Variants in HS6ST3 observed in about 807,000 individuals in gnomAD.
HS6ST3 encodes the protein heparan sulfate 6-O-sulfotransferase 3.
Under a neutral mutation model 36.7 loss-of-function variants are expected in HS6ST3, and 12 were observed. That is an observed-to-expected ratio of 0.33 (90% confidence interval 0.21 to 0.53). HS6ST3 has a LOEUF of 0.53. Ranked by LOEUF, HS6ST3 falls within the 20% of genes least tolerant of loss-of-function variation. The probability of loss-of-function intolerance (pLI) is 0.95; values close to 1 mark genes in which losing one functional copy is unlikely to be tolerated. For missense variants in HS6ST3, 584 were observed against 640.9 expected (o/e 0.91, Z 0.96); for synonymous variants, 240 against 257.5 (o/e 0.93, Z 0.65).
intron 1 of HS6ST3, among the ~76,000 whole-genome samples, chr13:96,284,566 A>T (rs1378786525): frequency 6.6e-6 from 1 of 152,162 alleles, no homozygotes; most frequent in African/African-American, 2.4e-5. Flanking sequence ...GCCCACTCAG[A>T]TTGAGGGTGG....
rs1400329784 is a variant in HS6ST3 at position 96,240,446 on chromosome 13, TA to T, written c.707+148878del. The stretch of plus-strand genomic sequence containing the variant: ...ATAATACATAATAATGTATTGTATA[TA>T]TTTTTTAAAAAGTTCCACAGGAACA... On this transcript the variant is annotated intron_variant, in intron 1 of 1. Coordinates refer to ENST00000376705, the MANE Select transcript of HS6ST3 (RefSeq NM_153456.4). Among the ~76,000 whole-genome samples, 3 of 152,356 alleles carry T rather than the reference TA, an allele frequency of 2.0e-5. No homozygotes were observed. The South Asian group carries it at 6.2e-4, about 32-fold the overall frequency.
chr13:96,799,297 G>T (rs1243690869), intron 1 of HS6ST3, among the ~76,000 whole-genome samples: 1 of 152,008 alleles, frequency 6.6e-6, no homozygotes, highest in Admixed American at 6.6e-5. Flanking sequence ...TTTAATGATT[G>T]CCATTCTAAC....
At chr13:96,244,285 G>C (rs2054574730) in intron 1 of HS6ST3, among the ~76,000 whole-genome samples, 1 of 152,288 alleles carries the variant, frequency 6.6e-6, no homozygotes, top group South Asian at 2.1e-4. Flanking sequence ...CAGGTGTACT[G>C]AATAGGAAAG....
chr13:96,417,949 G>T (rs552562222), intron 1 of HS6ST3, among the ~76,000 whole-genome samples: 5 of 151,968 alleles, frequency 3.3e-5, no homozygotes, highest in East Asian at 1.9e-4. Flanking sequence ...AATAACACAC[G>T]TGGACATTTC....
At chr13:96,695,358 ACAGGTGG>A (rs1287326247) in intron 1 of HS6ST3, among the ~76,000 whole-genome samples, 1 of 152,178 alleles carries the variant, frequency 6.6e-6, no homozygotes, top group African/African-American at 2.4e-5. Flanking sequence ...CTCACATCTT[ACAGGTGG>A]CCATGAGAAA....
At chr13:96,416,052 C>T (rs550172549) in intron 1 of HS6ST3, among the ~76,000 whole-genome samples, 2 of 152,188 alleles carry the variant, frequency 1.3e-5, no homozygotes, top group Non-Finnish European at 2.9e-5. Flanking sequence ...AAAAGCCACA[C>T]CACAGCCTGC....
chr13:96,131,970 A>AT (rs910213056), intron 1 of HS6ST3, among the ~76,000 whole-genome samples: 2 of 152,036 alleles, frequency 1.3e-5, no homozygotes, highest in African/African-American at 4.8e-5. Context: ...TCTGAGTTCA[A>AT]TTTTTTTAGA....
rs554307846 is a variant in HS6ST3 at position 96,091,963 on chromosome 13, C to G, written c.707+394C>G. On this transcript the variant is annotated intron_variant, in intron 1 of 1. Transcript: ENST00000376705. ...TGAACTTAAGTTTTGGGAGTGTAAA[C>G]CCAAACCCAGGAAAAGGAAGGGGGA... 2.5e-4 allele frequency among the ~76,000 whole-genome samples: 38 copies of G among 152,214 alleles called. No homozygotes were observed. The East Asian group carries it at 6.2e-3, about 25-fold the overall frequency.
intron 1 of HS6ST3, among the ~76,000 whole-genome samples, chr13:96,289,103 A>G (rs977595944): frequency 6.6e-6 from 1 of 152,226 alleles, no homozygotes. Flanking sequence ...AGAAAGCCAC[A>G]GAATTTATAG....
chr13:96,468,036 G>A (rs542732328), intron 1 of HS6ST3, among the ~76,000 whole-genome samples: 29 of 152,170 alleles, frequency 1.9e-4, no homozygotes, highest in Non-Finnish European at 4.0e-4. Context: ...CTGGGGGGAA[G>A]TATTCAGTCC....
intron 1 of HS6ST3, among the ~76,000 whole-genome samples, chr13:96,617,727 A>G (rs1320820569): frequency 6.6e-6 from 1 of 152,204 alleles, no homozygotes; most frequent in Non-Finnish European, 1.5e-5. Flanking sequence ...CAGCAGTATC[A>G]ATCAACATCA....
Position 96,282,952 on chromosome 13 carries a change from A to G in HS6ST3, c.707+191383A>G, listed in dbSNP as rs540441813. Among the ~76,000 whole-genome samples the G allele has an allele frequency of 2.0e-5, 3 of 152,300 alleles. 1 individual carries two copies. Among genetic ancestry groups the G allele is most frequent in the African/African-American group, 7.2e-5 (3 of 41,576 alleles). On this transcript the variant is annotated intron_variant, in intron 1 of 1. Coordinates refer to ENST00000376705, the MANE Select transcript of HS6ST3 (RefSeq NM_153456.4). ...AGGAATACAAGCCTGGTTACCTAAGAGCAACATTGTTAGCTGGAAAACCCA... is the reference window on the plus strand; with the variant it reads ...AGGAATACAAGCCTGGTTACCTAAGGGCAACATTGTTAGCTGGAAAACCCA...
intron 1 of HS6ST3, among the ~76,000 whole-genome samples, chr13:96,096,934 T>C (rs1158809986): frequency 6.6e-6 from 1 of 152,222 alleles, no homozygotes; most frequent in Non-Finnish European, 1.5e-5. Flanking sequence ...GTTTTTGTAG[T>C]GTAAAACTAA....
chr13:96,372,309 C>T (rs1035388358), intron 1 of HS6ST3, among the ~76,000 whole-genome samples: 5 of 152,224 alleles, frequency 3.3e-5, no homozygotes, highest in Non-Finnish European at 4.4e-5. Flanking sequence ...TTCCTTTGCC[C>T]ATTTTATAAT....
At chr13:96,156,964 C>T (rs2054113550) in intron 1 of HS6ST3, among the ~76,000 whole-genome samples, 1 of 152,150 alleles carries the variant, frequency 6.6e-6, no homozygotes, top group Non-Finnish European at 1.5e-5. Flanking sequence ...CAGTTTTTAC[C>T]TCAGAAAATT....
chr13:96,513,262 G>T (rs2056058238), intron 1 of HS6ST3, among the ~76,000 whole-genome samples: 1 of 150,972 alleles, frequency 6.6e-6, no homozygotes, highest in South Asian at 2.1e-4. Flanking sequence ...TGATCTTTCT[G>T]TGTATTTTTT....
chr13:96,234,081 T>A (rs2054520725), intron 1 of HS6ST3, among the ~76,000 whole-genome samples: 1 of 150,778 alleles, frequency 6.6e-6, no homozygotes, highest in African/African-American at 2.4e-5. Flanking sequence ...TTCTTTTGGG[T>A]CTTTGTTTTT....
At chr13:96,430,903 G>T (rs2055611816) in intron 1 of HS6ST3, among the ~76,000 whole-genome samples, 1 of 152,056 alleles carries the variant, frequency 6.6e-6, no homozygotes, top group African/African-American at 2.4e-5. Context: ...GATTCTTTGG[G>T]TCCAGGCCTA....
chr13:96,377,923 A>G (rs2055322691), intron 1 of HS6ST3, among the ~76,000 whole-genome samples: 1 of 152,216 alleles, frequency 6.6e-6, no homozygotes, highest in Non-Finnish European at 1.5e-5. Flanking sequence ...GAGGGATACA[A>G]TAAAATACCT....
Sources: gnomAD v4.1 joint callset for allele counts (sites outside exome capture counted in the v4.1 genomes callset) on GRCh38, gnomAD v4.1.1 for gene constraint, MANE v1.5 for transcripts, NCBI Gene and HGNC (gene_info 2026-07-23, HGNC 2026-07-21) for gene names.